The following SMYD3 variants were observed in gnomAD, a reference collection of about 807,000 sequenced individuals.
The protein encoded by SMYD3 is SET and MYND domain containing 3.
Under a neutral mutation model 57.7 loss-of-function variants are expected in SMYD3, and 36 were observed. The ratio of observed to expected loss-of-function variants is 0.62; its 90% CI spans 0.48 to 0.82. The LOEUF is 0.82. Ranked by LOEUF, SMYD3 falls within the 40% of genes least tolerant of loss-of-function variation. The pLI is 0.00. For synonymous variants in SMYD3, 211 were observed against 195.0 expected (o/e 1.08, Z -0.68); for missense variants, 515 against 538.8 (o/e 0.96, Z 0.44).
At position 245,816,957 on chromosome 1, in the gene SMYD3, G is replaced by A. The variant is rs553438816; in HGVS notation, c.1076+41539C>T. Among the ~76,000 whole-genome samples, 645 of 151,266 alleles carry A rather than the reference G, an allele frequency of 4.3e-3. 1 individual carries two copies. The highest frequency in any genetic ancestry group is 5.8e-3 in the Non-Finnish European group (392 of 67,372). ...TCTGAGATCAAACTGCAAGGCGGCA[G>A]CGAGGCTGGGGGAGGGGCGCCCGCC... On this transcript the variant is annotated intron_variant, in intron 10 of 11. Coordinates refer to ENST00000490107, the MANE Select transcript of SMYD3 (RefSeq NM_001167740.2).
At chr1:246,105,696 T>A (rs540376266) in intron 5 of SMYD3, among the ~76,000 whole-genome samples, 1 of 152,314 alleles carries the variant, frequency 6.6e-6, no homozygotes, top group South Asian at 2.1e-4. Context: ...ACTAAAAAGA[T>A]GTTTATTCCA....
chr1:246,453,288 C>T lies in SMYD3; in HGVS notation c.164+53766G>A, dbSNP rs917557704. Among the ~76,000 whole-genome samples, 19 of 152,108 alleles carry T rather than the reference C, an allele frequency of 1.2e-4. 1 individual carries two copies. The highest frequency in any genetic ancestry group is 1.2e-4 in the African/African-American group (5 of 41,414). ...CACTATGCTATATGAAACACGATATCGGACTGAAGGAGGCGGAAGTATCCA... is the reference window on the plus strand; with the variant it reads ...CACTATGCTATATGAAACACGATATTGGACTGAAGGAGGCGGAAGTATCCA... On this transcript the variant is annotated intron_variant, in intron 1 of 11. Coordinates refer to ENST00000490107, the MANE Select transcript of SMYD3 (RefSeq NM_001167740.2).
Position 245,843,530 on chromosome 1 carries a change from GTA to G in SMYD3, c.1076+14964_1076+14965del, listed in dbSNP as rs146394602. On this transcript the variant is annotated intron_variant, in intron 10 of 11. Coordinates refer to ENST00000490107, the MANE Select transcript of SMYD3 (RefSeq NM_001167740.2). Reference sequence around the variant, plus strand: ...AGAAATGTTTCATATACATGAATGTGTATATATATATGTGTGTGTGTGTGTGT... The same window carrying G: ...AGAAATGTTTCATATACATGAATGTGTATATATATGTGTGTGTGTGTGTGT... Among the ~76,000 whole-genome samples, 923 of 97,390 alleles carry G rather than the reference GTA, an allele frequency of 9.5e-3. 9 individuals carry two copies. Among genetic ancestry groups the G allele is most frequent in the African/African-American group, 0.052 (872 of 16,860 alleles). 63.9% of individuals were successfully genotyped at this position (97,390 alleles called of 152,430 possible). A position where few individuals can be genotyped will look rare whatever the true frequency, so the allele number is the denominator to read the frequency against.
chr1:245,923,194 C>T (rs1484085591), intron 7 of SMYD3, among the ~76,000 whole-genome samples: 1 of 152,002 alleles, frequency 6.6e-6, no homozygotes, highest in Non-Finnish European at 1.5e-5. Context: ...CCAAATCTAA[C>T]TCAGGGGTTA....
intron 5 of SMYD3, among the ~76,000 whole-genome samples, chr1:245,970,907 G>A (rs1303919841): frequency 1.3e-5 from 2 of 152,182 alleles, no homozygotes; most frequent in Non-Finnish European, 2.9e-5. Flanking sequence ...CAAGGATCTA[G>A]AACTAGAATT....
intron 5 of SMYD3, among the ~76,000 whole-genome samples, chr1:246,317,173 T>C (rs2065175485): frequency 6.6e-6 from 1 of 152,228 alleles, no homozygotes; most frequent in African/African-American, 2.4e-5. Flanking sequence ...TTTTAAATTA[T>C]TGAATTAAAT....
At chr1:245,750,745 C>G (rs2045311530) in intron 11 of SMYD3, among the ~76,000 whole-genome samples, 1 of 151,388 alleles carries the variant, frequency 6.6e-6, no homozygotes, top group East Asian at 1.9e-4. Flanking sequence ...GTGGGGTGGA[C>G]TGGGGAGAAG....
At position 246,248,808 on chromosome 1, in the gene SMYD3, A is replaced by ATTTTTT. The variant is rs1164274725; in HGVS notation, c.531+78387_531+78392dup. ...AGGCGCCCGCCACCATGCCCGGCTA[A>ATTTTTT]TTTTTTTTTTTTTTTTTTTTTGTAT... On this transcript the variant is annotated intron_variant, in intron 5 of 11. Transcript: ENST00000490107. Among the ~76,000 whole-genome samples, 145 of 90,418 alleles carry ATTTTTT rather than the reference A, an allele frequency of 1.6e-3. 1 individual carries two copies. The highest frequency in any genetic ancestry group is 5.5e-3 in the African/African-American group (114 of 20,816). The allele number at this position is 90,418 out of a possible 152,430, so 59.3% of individuals were successfully genotyped here.
Position 245,764,031 on chromosome 1 carries a change from G to A in SMYD3, c.1185+10C>T. ...CCAGGCAGAACTATGTGAGATCTTG[G>A]CACACTCACCAGTCTCAGATTCTTC... On this transcript the variant is annotated intron_variant, in intron 11 of 11. Coordinates refer to ENST00000490107, the MANE Select transcript of SMYD3 (RefSeq NM_001167740.2). The A allele has an allele frequency of 1.3e-6, 2 of 1,596,780 alleles. No individual in the cohort carries two copies. The highest frequency in any genetic ancestry group is 8.6e-7 in the Non-Finnish European group (1 of 1,164,342).
At chr1:246,044,310 C>A (rs541563081) in intron 5 of SMYD3, among the ~76,000 whole-genome samples, 3 of 152,268 alleles carry the variant, frequency 2.0e-5, no homozygotes, top group South Asian at 4.1e-4. Flanking sequence ...TGTCCATACA[C>A]ACCAAAATAA....
At chr1:245,750,713 C>G (rs1283744020) in intron 11 of SMYD3, among the ~76,000 whole-genome samples, 5 of 131,256 alleles carry the variant, frequency 3.8e-5, no homozygotes. Flanking sequence ...CCTGCCCTGC[C>G]CAAATGGGGG....
At chr1:245,849,526 T>C (rs1228964698) in intron 10 of SMYD3, among the ~76,000 whole-genome samples, 3 of 152,178 alleles carry the variant, frequency 2.0e-5, no homozygotes, top group Admixed American at 6.5e-5. Flanking sequence ...TAGAACCCAG[T>C]GTTGATCAGT....
chr1:245,770,748 T>A (rs1450909124), intron 10 of SMYD3, among the ~76,000 whole-genome samples: 1 of 152,152 alleles, frequency 6.6e-6, no homozygotes. Context: ...ATAAATATGT[T>A]TGAGAACTTA....
chr1:245,896,963 A>G (rs2053855653), intron 8 of SMYD3, among the ~76,000 whole-genome samples: 1 of 152,218 alleles, frequency 6.6e-6, no homozygotes, highest in Non-Finnish European at 1.5e-5. Context: ...ATTCCAGAAC[A>G]CTGAGTGAAA....
intron 1 of SMYD3, among the ~76,000 whole-genome samples, chr1:246,383,722 G>A (rs1465678663): frequency 6.6e-6 from 1 of 152,178 alleles, no homozygotes; most frequent in Non-Finnish European, 1.5e-5. Flanking sequence ...AGCACTTTGG[G>A]AGGCCGAGGT....
At chr1:246,133,466 T>A (rs2061618272) in intron 5 of SMYD3, among the ~76,000 whole-genome samples, 1 of 152,128 alleles carries the variant, frequency 6.6e-6, no homozygotes, top group African/African-American at 2.4e-5. Context: ...CTGAGTGTTG[T>A]TAAACTTATT....
intron 5 of SMYD3, among the ~76,000 whole-genome samples, chr1:245,951,313 G>A (rs1033894700): frequency 7.0e-6 from 1 of 143,756 alleles, no homozygotes; most frequent in Non-Finnish European, 1.5e-5. Flanking sequence ...GAAAATACTC[G>A]TCGTGGCTCA....
rs114575810 is a variant in SMYD3, at chr1:246,197,032, A to G, written c.531+130169T>C. Among the ~76,000 whole-genome samples the G allele has an allele frequency of 2.6e-3, 395 of 152,254 alleles. 2 individuals are homozygous for G. The highest frequency in any genetic ancestry group is 9.0e-3 in the African/African-American group (373 of 41,558). On this transcript the variant is annotated intron_variant, in intron 5 of 11. Coordinates refer to ENST00000490107, the MANE Select transcript of SMYD3 (RefSeq NM_001167740.2). ...AACTCTGCAATGATGAGGATATGTC[A>G]AACGGACACAGAAATCAACTGAAAA...
At chr1:246,191,066 G>C (rs1189219271) in intron 5 of SMYD3, among the ~76,000 whole-genome samples, 1 of 152,220 alleles carries the variant, frequency 6.6e-6, no homozygotes, top group East Asian at 1.9e-4. Context: ...GAGAAACTGA[G>C]GGGAAGACGG....
Sources: allele counts gnomAD v4.1 joint callset (sites outside exome capture counted in the v4.1 genomes callset), GRCh38; gene constraint gnomAD v4.1.1; transcripts MANE v1.5; gene names NCBI Gene and HGNC (gene_info 2026-07-23, HGNC 2026-07-21).